Variants in RALGAPA2 observed in about 807,000 individuals in gnomAD.
RALGAPA2 encodes the protein ral GTPase-activating protein subunit alpha-2.
Under a neutral mutation model 230.4 loss-of-function variants are expected in RALGAPA2, and 139 were observed. That is an observed-to-expected ratio of 0.60 (90% CI 0.53 to 0.69). RALGAPA2 has a LOEUF of 0.69. RALGAPA2 is among the 30% of genes least tolerant of loss of function. The probability of loss-of-function intolerance (pLI) is 0.00; values close to 1 mark genes in which losing one functional copy is unlikely to be tolerated. For missense variants in RALGAPA2, 2,163 were observed against 2,276.0 expected (o/e 0.95, Z 1.01); for synonymous variants, 847 against 837.8 (o/e 1.01, Z -0.19).
chr20:20,486,859 T>A (rs562076385), intron 36 of RALGAPA2, among the ~76,000 whole-genome samples: 10 of 152,336 alleles, frequency 6.6e-5, no homozygotes, highest in Non-Finnish European at 1.2e-4. Context: ...AGTTTACTCA[T>A]GAGCCCATCC....
chr20:20,448,734 T>C (rs956357135), intron 37 of RALGAPA2, among the ~76,000 whole-genome samples: 1 of 152,146 alleles, frequency 6.6e-6, no homozygotes, highest in Non-Finnish European at 1.5e-5. Context: ...GTAACAAATA[T>C]ATTTTTAGGG....
At chr20:20,645,658 T>A (rs2067188181) in intron 4 of RALGAPA2, among the ~76,000 whole-genome samples, 1 of 152,208 alleles carries the variant, frequency 6.6e-6, no homozygotes, top group South Asian at 2.1e-4. Flanking sequence ...AACTCGTTTG[T>A]ACATGGGAAG....
intron 24 of RALGAPA2, among the ~76,000 whole-genome samples, chr20:20,546,082 A>C (rs2063767592): frequency 6.6e-6 from 1 of 152,210 alleles, no homozygotes; most frequent in Non-Finnish European, 1.5e-5. Context: ...CTTGAAAAAC[A>C]ACAACAAAAA....
intron 37 of RALGAPA2, among the ~76,000 whole-genome samples, chr20:20,461,331 T>G (rs1231776402): frequency 6.6e-6 from 1 of 152,242 alleles, no homozygotes; most frequent in Non-Finnish European, 1.5e-5. Context: ...AACTTACATT[T>G]TTACTGATAT....
At chr20:20,415,422 A>T (rs539298587) in intron 37 of RALGAPA2, among the ~76,000 whole-genome samples, 5 of 152,258 alleles carry the variant, frequency 3.3e-5, no homozygotes, top group South Asian at 4.1e-4. Flanking sequence ...TTCTGTTCTG[A>T]ATTATTATCT....
At chr20:20,618,320 G>C (rs1288899772) in intron 12 of RALGAPA2, among the ~76,000 whole-genome samples, 1 of 152,170 alleles carries the variant, frequency 6.6e-6, no homozygotes, top group East Asian at 1.9e-4. Flanking sequence ...TTCTCTGATG[G>C]GGACGCAGGT....
intron 15 of RALGAPA2, among the ~76,000 whole-genome samples, chr20:20,604,066 T>C (rs994360337): frequency 3.9e-5 from 6 of 152,304 alleles, no homozygotes; most frequent in Middle Eastern, 3.4e-3. Flanking sequence ...AATCCAATGT[T>C]TGACTTTTCC....
intron 37 of RALGAPA2, among the ~76,000 whole-genome samples, chr20:20,424,160 C>G (rs1003989697): frequency 6.6e-6 from 1 of 152,170 alleles, no homozygotes. Flanking sequence ...ATCAGTTCTT[C>G]CCAGGGGATT....
intron 36 of RALGAPA2, among the ~76,000 whole-genome samples, chr20:20,484,983 G>A (rs542110580): frequency 5.9e-5 from 9 of 152,148 alleles, no homozygotes; most frequent in Non-Finnish European, 1.0e-4. Flanking sequence ...GGCCACATGC[G>A]GCCCTGGATG....
At chr20:20,441,866 T>C (rs927544655) in intron 37 of RALGAPA2, among the ~76,000 whole-genome samples, 1 of 152,174 alleles carries the variant, frequency 6.6e-6, no homozygotes, top group Non-Finnish European at 1.5e-5. Flanking sequence ...TCCTGAAGTA[T>C]ACATTATTTA....
rs2059634957 is a variant in RALGAPA2, at chr20:20,393,261, G to A, written c.*36-8C>T. 1.5e-6 allele frequency: 2 copies of A among 1,338,028 alleles called. No homozygotes were observed. Among genetic ancestry groups the A allele is most frequent in the Non-Finnish European group, 2.0e-6 (2 of 1,008,202 alleles). 82.9% of individuals were successfully genotyped at this position (1,338,028 alleles called of 1,614,324 possible). A position where few individuals can be genotyped will look rare whatever the true frequency, so the allele number is the denominator to read the frequency against. On this transcript the variant is annotated splice_region_variant and splice_polypyrimidine_tract_variant and intron_variant, in intron 39 of 39. Coordinates refer to ENST00000202677, the MANE Select transcript of RALGAPA2 (RefSeq NM_020343.4). ...GACTGGAGGCCAGGGCCCCTGCAAA[G>A]GAAGCAGAGAACTGCTAAGTCATGG...
chr20:20,675,936 T>C (rs1370166936), intron 3 of RALGAPA2, among the ~76,000 whole-genome samples: 4 of 152,188 alleles, frequency 2.6e-5, no homozygotes, highest in Non-Finnish European at 5.9e-5. Context: ...TATGACCTTT[T>C]GGAGAGCAAT....
At chr20:20,684,520 T>C (rs539182162) in intron 1 of RALGAPA2, among the ~76,000 whole-genome samples, 3 of 152,296 alleles carry the variant, frequency 2.0e-5, no homozygotes, top group East Asian at 1.9e-4. Context: ...AATATCTTTC[T>C]TGTGGATAAG....
intron 36 of RALGAPA2, among the ~76,000 whole-genome samples, chr20:20,492,731 T>C (rs1232661893): frequency 1.3e-5 from 2 of 152,168 alleles, no homozygotes; most frequent in Non-Finnish European, 2.9e-5. Context: ...GTCCGTAATA[T>C]CCTCATGCAT....
chr20:20,395,102 A>G (rs932986354), intron 39 of RALGAPA2, among the ~76,000 whole-genome samples: 2 of 152,204 alleles, frequency 1.3e-5, no homozygotes, highest in African/African-American at 4.8e-5. Context: ...CCGCTGAGTG[A>G]GCCTGGAGAA....
chr20:20,500,896 T>C (rs763871615), intron 35 of RALGAPA2, among the ~76,000 whole-genome samples: 96 of 152,246 alleles, frequency 6.3e-4, no homozygotes, highest in Admixed American at 5.2e-4. Flanking sequence ...AAAACAACAC[T>C]ACATCTCCTT....
chr20:20,536,878 A>G, intron 24 of RALGAPA2, 94 bp from the exon 25 acceptor site: 2 of 1,373,298 alleles, frequency 1.5e-6, no homozygotes, highest in Non-Finnish European at 1.9e-6. Context: ...CTAGATAAAA[A>G]ATACCAAACT....
At chr20:20,693,365 G>A (rs889034563) in intron 1 of RALGAPA2, among the ~76,000 whole-genome samples, 2 of 152,158 alleles carry the variant, frequency 1.3e-5, no homozygotes, top group Non-Finnish European at 2.9e-5. Context: ...AATCAAATGT[G>A]AGTTATATTA....
intron 24 of RALGAPA2, among the ~76,000 whole-genome samples, chr20:20,538,237 C>T (rs537722913): frequency 6.6e-6 from 1 of 152,310 alleles, no homozygotes; most frequent in African/African-American, 2.4e-5. Flanking sequence ...CAATATAAAG[C>T]ACAGCAGAGC....
Sources: allele counts gnomAD v4.1 joint callset (sites outside exome capture counted in the v4.1 genomes callset), GRCh38; gene constraint gnomAD v4.1.1; transcripts MANE v1.5; gene names NCBI Gene and HGNC (gene_info 2026-07-23, HGNC 2026-07-21).